ANK3: variants seen among roughly 807,000 people sequenced by gnomAD.
ANK3 encodes ankyrin 3.
In ANK3, 57 loss-of-function variants were observed where a neutral mutation model predicts 370.9. The ratio of observed to expected loss-of-function variants is 0.15; its 90% CI spans 0.12 to 0.19. The LOEUF (loss-of-function observed/expected upper bound fraction) is 0.19. Among genes scored for constraint, ANK3 ranks in the 10% least tolerant of loss-of-function variants. The pLI is 1.00. For missense variants in ANK3, 4,439 were observed against 5,302.1 expected (o/e 0.84, Z 5.06); for synonymous variants, 1,929 against 1,946.3 (o/e 0.99, Z 0.23).
At chr10:60,533,630 C>T (rs1041595653) in intron 2 of ANK3, among the ~76,000 whole-genome samples, 1 of 152,118 alleles carries the variant, frequency 6.6e-6, no homozygotes, top group East Asian at 1.9e-4. Context: ...AGTTTCTGAC[C>T]CCATTATTTG....
intron 43 of ANK3, among the ~76,000 whole-genome samples, chr10:60,033,533 A>AC (rs1564513903): frequency 1.4e-4 from 21 of 149,522 alleles, no homozygotes; most frequent in Middle Eastern, 3.2e-3. Context: ...AAAAAAAAAA[A>AC]AAAAAACTTG....
At chr10:60,454,198 G>A (rs1017144027) in intron 2 of ANK3, among the ~76,000 whole-genome samples, 1 of 152,082 alleles carries the variant, frequency 6.6e-6, no homozygotes, top group South Asian at 2.1e-4. Flanking sequence ...ATGTTGACTT[G>A]GAGTAGAAAC....
chr10:60,296,805 T>C (rs1464045752), intron 1 of ANK3, among the ~76,000 whole-genome samples: 4 of 152,014 alleles, frequency 2.6e-5, no homozygotes, highest in Non-Finnish European at 5.9e-5. Flanking sequence ...AGTGGGGCCC[T>C]GTCTCTACAA....
At chr10:60,726,500 A>G (rs914471537) in intron 1 of ANK3, among the ~76,000 whole-genome samples, 2 of 152,210 alleles carry the variant, frequency 1.3e-5, no homozygotes, top group Non-Finnish European at 2.9e-5. Context: ...TAATCCTTAT[A>G]CAAATATTGT....
intron 1 of ANK3, among the ~76,000 whole-genome samples, chr10:60,704,086 A>G (rs890594626): frequency 6.6e-6 from 1 of 152,214 alleles, no homozygotes; most frequent in African/African-American, 2.4e-5. Context: ...AGCCCACATC[A>G]CATGGAGAGG....
intron 2 of ANK3, among the ~76,000 whole-genome samples, chr10:60,398,340 C>T (rs1368903700): frequency 6.6e-6 from 1 of 152,170 alleles, no homozygotes. Context: ...TGAGGTAGCA[C>T]ATTGTTAATA....
intron 2 of ANK3, among the ~76,000 whole-genome samples, chr10:60,431,779 C>A (rs1351511813): frequency 6.6e-6 from 1 of 152,050 alleles, no homozygotes; most frequent in Non-Finnish European, 1.5e-5. Flanking sequence ...CACATGTATC[C>A]CAGAACTTAA....
Position 60,088,288 on chromosome 10 carries a change from A to C in ANK3, c.3399T>G (p.Tyr1133Ter). The change falls in exon 29 of 44, where the codon TAT becomes TAG. Residue 1133 changes from tyrosine (Y) to a stop codon, truncating the protein, a stop_gained. Transcript: ENST00000280772. LOFTEE classifies it high-confidence loss of function. ...GCTTAATCCGGGAAACCACTGCAAA[A>C]TACTGGGGGAAATCTTTCGTGATAA... is the stretch of plus-strand genomic sequence containing the variant. The part of the protein sequence containing the change: ...CRIITKDFPQ[Y>*]FAVVSRIKQE... 1 of 1,614,198 alleles carries C rather than the reference A, an allele frequency of 6.2e-7. No homozygotes were observed. Among genetic ancestry groups the C allele is most frequent in the Non-Finnish European group, 8.5e-7 (1 of 1,180,022 alleles).
At chr10:60,607,859 CAG>C (rs2078148808) in intron 2 of ANK3, among the ~76,000 whole-genome samples, 1 of 152,140 alleles carries the variant, frequency 6.6e-6, no homozygotes, top group Non-Finnish European at 1.5e-5. Context: ...AGAATGGTCA[CAG>C]AGAGAAGAAG....
At chr10:60,133,885 C>T (rs552316983) in intron 25 of ANK3, among the ~76,000 whole-genome samples, 1 of 152,260 alleles carries the variant, frequency 6.6e-6, no homozygotes, top group South Asian at 2.1e-4. Context: ...TGCCACTGCA[C>T]TCCAGCCTGG....
In ANK3 at chr10:60,140,969, G is replaced by C. The variant is rs552992528; in HGVS notation, c.2615-1882C>G. ...AAGAAAACAAAGCAGTGGCCCAGGC[G>C]GGGAGTGGCATGGAGCTCCAGGCAA... On this transcript the variant is annotated intron_variant, in intron 23 of 43. Transcript: ENST00000280772. 4.5e-3 allele frequency: 4,437 copies of C among 985,532 alleles called. 15 individuals carry two copies. Among genetic ancestry groups the C allele is most frequent in the Non-Finnish European group, 5.0e-3 (4,185 of 830,070 alleles). 61.0% of individuals were successfully genotyped at this position (985,532 alleles called of 1,614,324 possible). A position where few individuals can be genotyped will look rare whatever the true frequency, so the allele number is the denominator to read the frequency against.
intron 1 of ANK3, among the ~76,000 whole-genome samples, chr10:60,359,216 C>T (rs1332497021): frequency 1.3e-5 from 2 of 152,014 alleles, no homozygotes; most frequent in Non-Finnish European, 2.9e-5. Context: ...TGAGAAATAA[C>T]AGTGGTTCAT....
intron 2 of ANK3, among the ~76,000 whole-genome samples, chr10:60,405,297 C>A (rs1567013430): frequency 6.6e-6 from 1 of 151,958 alleles, no homozygotes; most frequent in Non-Finnish European, 1.5e-5. Flanking sequence ...AATGGATAAA[C>A]AAACTGTGGT....
chr10:60,298,868 T>C (rs1443957761), intron 1 of ANK3, among the ~76,000 whole-genome samples: 1 of 152,228 alleles, frequency 6.6e-6, no homozygotes. Context: ...GCAATGAGTA[T>C]TTCTCAAAGC....
chr10:60,069,257 G>C lies in ANK3; in HGVS notation c.11624C>G (p.Thr3875Ser). The change falls in exon 37 of 44, where the codon ACC becomes AGC. Residue 3875 changes from threonine (T) to serine (S), a missense_variant. By Grantham distance (58) the Thr-to-Ser change is moderately conservative. Around this residue, in one of 13 missense-constraint regions of ANK3, gnomAD observed 496 missense variants for 529.3 expected, o/e 0.94. Coordinates refer to ENST00000280772, the MANE Select transcript of ANK3 (RefSeq NM_020987.5). ...GTTTGACATATGGTTCGGTGGGAAGGTATCTTTTGGTGAAGTGGCCTTTAT... is the reference window on the plus strand; with the variant it reads ...GTTTGACATATGGTTCGGTGGGAAGCTATCTTTTGGTGAAGTGGCCTTTAT... ...LPIKATSPKD[T>S]FPPNHMSNTK... The C allele has an allele frequency of 1.2e-6, 2 of 1,614,118 alleles. No homozygotes were observed. Among genetic ancestry groups the C allele is most frequent in the South Asian group, 1.1e-5 (1 of 91,072 alleles).
At chr10:60,643,503 T>TCTAC (rs759372522) in intron 1 of ANK3, among the ~76,000 whole-genome samples, 3,232 of 55,702 alleles carry the variant, frequency 0.058, 50 homozygotes, top group East Asian at 0.13. Context: ...CCCCTTTATA[T>TCTAC]CTATCTATCT....
intron 1 of ANK3, among the ~76,000 whole-genome samples, chr10:60,642,640 G>T (rs1208936828): frequency 1.6e-5 from 2 of 121,224 alleles, no homozygotes; most frequent in African/African-American, 5.8e-5. Context: ...TGTGGGGTGG[G>T]GGGGCGAGGG....
At chr10:60,329,278 G>T (rs1393149552) in intron 1 of ANK3, among the ~76,000 whole-genome samples, 1 of 152,138 alleles carries the variant, frequency 6.6e-6, no homozygotes. Context: ...TGGAAGGTCT[G>T]GCCAGGGCAA....
At chr10:60,526,027 G>A (rs2076462422) in intron 2 of ANK3, among the ~76,000 whole-genome samples, 1 of 152,102 alleles carries the variant, frequency 6.6e-6, no homozygotes, top group Admixed American at 6.6e-5. Flanking sequence ...AAAATGTAAT[G>A]TGAGCTAGCC....
Sources: gnomAD v4.1 joint callset for allele counts (sites outside exome capture counted in the v4.1 genomes callset) on GRCh38, gnomAD v4.1.1 for gene constraint, gnomAD v4.1.1 regional missense constraint, MANE v1.5 for transcripts, NCBI Gene and HGNC (gene_info 2026-07-23, HGNC 2026-07-21) for gene names.